ARID1B: variants seen among roughly 807,000 people sequenced by gnomAD.
ARID1B encodes AT-rich interaction domain 1B.
In ARID1B, 30 loss-of-function variants were observed where a neutral mutation model predicts 212.3. That is an observed-to-expected ratio of 0.14 (90% CI 0.11 to 0.19). ARID1B has a LOEUF of 0.19. ARID1B is among the 10% of genes least tolerant of loss of function. ARID1B has a pLI of 1.00. For missense variants in ARID1B, 2,891 were observed against 3,204.0 expected, an observed-to-expected ratio of 0.90 and a Z score of 2.36; for synonymous variants, 1,402 against 1,301.7, an observed-to-expected ratio of 1.08 and a Z score of -1.66.
At chr6:157,010,635 CTTTGT>C (rs144024006) in intron 4 of ARID1B, among the ~76,000 whole-genome samples, 42,988 of 146,722 alleles carry the variant, frequency 0.29, 6,259 homozygotes, top group Non-Finnish European at 0.31. Context: ...TTTTTTTTTG[CTTTGT>C]TTTGTTTTGT....
At chr6:156,965,947 A>G (rs1476436557) in intron 4 of ARID1B, among the ~76,000 whole-genome samples, 2 of 152,148 alleles carry the variant, frequency 1.3e-5, no homozygotes, top group African/African-American at 2.4e-5. Context: ...TTATTTGTGT[A>G]TTTACATACC....
At chr6:156,834,381 TA>T (rs935155272) in intron 2 of ARID1B, among the ~76,000 whole-genome samples, 170 of 152,326 alleles carry the variant, frequency 1.1e-3, no homozygotes, top group African/African-American at 3.9e-3. Flanking sequence ...GTGCCTGTTT[TA>T]CATTCAGACT....
intron 5 of ARID1B, among the ~76,000 whole-genome samples, chr6:157,095,923 T>C (rs1409226603): frequency 1.3e-5 from 2 of 152,230 alleles, no homozygotes; most frequent in African/African-American, 4.8e-5. Flanking sequence ...TCGTTTTTCA[T>C]GTGGCCTCAG....
intron 2 of ARID1B, among the ~76,000 whole-genome samples, chr6:156,890,722 A>G (rs1787861151): frequency 6.6e-6 from 1 of 152,196 alleles, no homozygotes; most frequent in Non-Finnish European, 1.5e-5. Flanking sequence ...CTTCTTTCTC[A>G]TCCCGGGTCA....
intron 2 of ARID1B, among the ~76,000 whole-genome samples, chr6:156,891,661 A>G (rs559804088): frequency 1.8e-4 from 27 of 152,184 alleles, no homozygotes; most frequent in Non-Finnish European, 3.5e-4. Flanking sequence ...GTTATTAAAT[A>G]TAGTGTAAAA....
chr6:156,845,877 A>G (rs557039683), intron 2 of ARID1B, among the ~76,000 whole-genome samples: 23 of 151,384 alleles, frequency 1.5e-4, no homozygotes, highest in African/African-American at 5.3e-4. Flanking sequence ...AATTTTTGAA[A>G]CTTTTTTTCT....
intron 4 of ARID1B, among the ~76,000 whole-genome samples, chr6:157,032,549 A>G (rs1781080741): frequency 6.6e-6 from 1 of 152,182 alleles, no homozygotes; most frequent in African/African-American, 2.4e-5. Context: ...CTACAGGCCC[A>G]CCATAGATGT....
intron 7 of ARID1B, among the ~76,000 whole-genome samples, chr6:157,136,003 C>T (rs1008354410): frequency 2.0e-5 from 3 of 152,170 alleles, no homozygotes; most frequent in Non-Finnish European, 4.4e-5. Context: ...CCGTTTTACT[C>T]ATATTTTATA....
intron 4 of ARID1B, among the ~76,000 whole-genome samples, chr6:157,056,827 A>G (rs1443557096): frequency 1.3e-5 from 2 of 150,674 alleles, no homozygotes; most frequent in Non-Finnish European, 3.0e-5. Context: ...TTTGTTAAAA[A>G]CTTTTCTTAA....
chr6:156,947,875 C>G (rs1338151149), intron 4 of ARID1B, among the ~76,000 whole-genome samples: 1 of 152,178 alleles, frequency 6.6e-6, no homozygotes, highest in African/African-American at 2.4e-5. Flanking sequence ...GATTTCTTAA[C>G]ATGCATGTAT....
Position 157,084,449 on chromosome 6 carries a change from A to T in ARID1B, c.2248-213A>T, listed in dbSNP as rs756028757. On this transcript the variant is annotated intron_variant, in intron 4 of 19. Transcript: ENST00000636930. Reference sequence around the variant, plus strand: ...TTTTATCAAAGAGAAGTACAACTTTACTCATTTTTTAGGAGAGAGGCAAGA... The same window carrying T: ...TTTTATCAAAGAGAAGTACAACTTTTCTCATTTTTTAGGAGAGAGGCAAGA... 1.3e-5 allele frequency among the ~76,000 whole-genome samples: 2 copies of T among 152,144 alleles called. No homozygotes were observed. Among genetic ancestry groups the T allele is most frequent in the Non-Finnish European group, 2.9e-5 (2 of 68,032 alleles).
intron 1 of ARID1B, among the ~76,000 whole-genome samples, chr6:156,815,212 T>C (rs1283296568): frequency 6.6e-6 from 1 of 152,184 alleles, no homozygotes; most frequent in Non-Finnish European, 1.5e-5. Flanking sequence ...ATAGTGCTCT[T>C]TTTATCTTGA....
chr6:157,149,193 G>A (rs927023163), intron 8 of ARID1B: 3 of 519,448 alleles, frequency 5.8e-6, no homozygotes, highest in Admixed American at 3.2e-5. Context: ...GTCGTGGGAG[G>A]TGATTTGAAA....
intron 4 of ARID1B, among the ~76,000 whole-genome samples, chr6:157,032,504 A>T (rs1455525428): frequency 6.6e-6 from 1 of 152,162 alleles, no homozygotes; most frequent in Non-Finnish European, 1.5e-5. Context: ...ATTGATATGT[A>T]ATGGAAGATT....
At chr6:157,093,089 G>A (rs1785380414) in intron 5 of ARID1B, among the ~76,000 whole-genome samples, 1 of 152,192 alleles carries the variant, frequency 6.6e-6, no homozygotes, top group African/African-American at 2.4e-5. Context: ...TCCCTTCGCT[G>A]AGAATGAAGA....
chr6:156,885,811 T>C (rs1427933340), intron 2 of ARID1B, among the ~76,000 whole-genome samples: 1 of 152,236 alleles, frequency 6.6e-6, no homozygotes, highest in African/African-American at 2.4e-5. Flanking sequence ...GTTAAGATTA[T>C]GTGCTAAACG....
At chr6:157,173,878 T>C in intron 9 of ARID1B, 130 bp from the exon 10 acceptor site, 2 of 711,494 alleles carry the variant, frequency 2.8e-6, no homozygotes, top group South Asian at 4.3e-5. Flanking sequence ...CCATTACAAT[T>C]TCTTTTTTCT....
chr6:156,898,333 C>T (rs905180136), intron 2 of ARID1B, among the ~76,000 whole-genome samples: 1 of 152,166 alleles, frequency 6.6e-6, no homozygotes, highest in Non-Finnish European at 1.5e-5. Flanking sequence ...CGCATCGGTC[C>T]TTTGGGCCCT....
chr6:156,875,625 C>G lies in ARID1B; in HGVS notation c.1987-25751C>G, dbSNP rs116292718. 2.5e-3 allele frequency among the ~76,000 whole-genome samples: 384 copies of G among 152,298 alleles called. 2 individuals are homozygous for G. The highest frequency in any genetic ancestry group is 9.0e-3 in the African/African-American group (374 of 41,558). On this transcript the variant is annotated intron_variant, in intron 2 of 19. Transcript: ENST00000636930. The stretch of plus-strand genomic sequence containing the variant: ...AGCTTCTCCTCACAAAATAAAGATG[C>G]GAGTCTCTGTTCAGATTTAAACAGT...
Sources: allele counts gnomAD v4.1 joint callset (sites outside exome capture counted in the v4.1 genomes callset), GRCh38; gene constraint gnomAD v4.1.1; transcripts MANE v1.5; gene names NCBI Gene and HGNC (gene_info 2026-07-23, HGNC 2026-07-21).